Variants in TTLL3 observed in about 807,000 individuals in gnomAD.
TTLL3 encodes tubulin monoglycylase TTLL3.
A neutral mutation model predicts 75.2 loss-of-function variants in TTLL3; 63 were observed. The ratio of observed to expected loss-of-function variants is 0.84; its 90% confidence interval spans 0.68 to 1.03. The LOEUF (loss-of-function observed/expected upper bound fraction) is 1.03, where lower values mean the gene tolerates loss of function less well. TTLL3 is among the 50% of genes least tolerant of loss of function. The pLI is 0.00. For missense variants in TTLL3, 997 were observed against 1,069.9 expected, an observed-to-expected ratio of 0.93 and a Z score of 0.95; for synonymous variants, 393 against 418.5, an observed-to-expected ratio of 0.94 and a Z score of 0.74.
chr3:9,819,498 G>T, intron 7 of TTLL3: 1 of 989,838 alleles, frequency 1.0e-6, no homozygotes. Context: ...CTGCCTGTGA[G>T]GAGTTCAGGT....
At chr3:9,820,078 G>T (rs551391658) in intron 7 of TTLL3, 1 of 994,294 alleles carries the variant, frequency 1.0e-6, no homozygotes, top group African/African-American at 1.7e-5. Context: ...ACAGAAGTTA[G>T]TGTTTCTGTG....
Position 9,820,697 on chromosome 3 carries a change from C to T in TTLL3, c.810C>T (p.Pro270=), listed in dbSNP as rs753309450. ...TGGAGGCCCCGCTGTACCTCACCCC[C>T]GAGGGCTGGTCCCTCTTCCTCCAGC... ...KDLEAPLYLT[P]EGWSLFLQRY... The change falls in exon 8 of 14, where the codon CCC becomes CCT. Residue 270 remains proline (P), a synonymous_variant. Coordinates refer to ENST00000685419, the MANE Select transcript of TTLL3 (RefSeq NM_001387446.1). 1.1e-5 allele frequency: 18 copies of T among 1,614,020 alleles called. No homozygotes were observed. Among genetic ancestry groups the T allele is most frequent in the Middle Eastern group, 1.6e-4 (1 of 6,084 alleles).
intron 2 of TTLL3, among the ~76,000 whole-genome samples, chr3:9,811,570 G>A (rs2079356846): frequency 6.6e-6 from 1 of 152,196 alleles, no homozygotes; most frequent in African/African-American, 2.4e-5. Flanking sequence ...CCTCCTAGCT[G>A]GTCTACCTCC....
chr3:9,809,971 C>T (rs964721293), upstream of TTLL3: 11 of 1,298,926 alleles, frequency 8.5e-6, no homozygotes, highest in Admixed American at 2.5e-4. Context: ...GGCGCGGGAT[C>T]AGGGGCCCTG....
chr3:9,818,989 G>A, intron 7 of TTLL3, 69 bp downstream of exon 7: 1 of 1,600,876 alleles, frequency 6.2e-7, no homozygotes, highest in Non-Finnish European at 8.5e-7. Flanking sequence ...CCACCTATCT[G>A]CCCTTCTACC....
intron 9 of TTLL3, 150 bp from the exon 10 acceptor site, chr3:9,826,847 T>C (rs2081092454): frequency 7.8e-6 from 11 of 1,419,024 alleles, no homozygotes; most frequent in Non-Finnish European, 1.0e-5. Flanking sequence ...AATTCCTGGC[T>C]TTCCCAAAGG....
At chr3:9,818,774 G>T (rs770369110) in intron 6 of TTLL3, 48 bp from the exon 7 acceptor site, 4 of 1,613,398 alleles carry the variant, frequency 2.5e-6, no homozygotes, top group Non-Finnish European at 3.4e-6. Context: ...AACCAGAACA[G>T]GCCTCAAGCC....
intron 5 of TTLL3, among the ~76,000 whole-genome samples, chr3:9,817,231 T>G (rs931502705): frequency 2.0e-5 from 3 of 152,122 alleles, no homozygotes; most frequent in African/African-American, 7.2e-5. Context: ...GAGACCATCC[T>G]GGCTAACACG....
At position 9,834,878 on chromosome 3, in the gene TTLL3, G is replaced by A; in HGVS notation, c.2023G>A (p.Val675Met). The A allele has an allele frequency of 1.2e-6, 2 of 1,614,232 alleles. No individual in the cohort carries two copies. The highest frequency in any genetic ancestry group is 8.5e-7 in the Non-Finnish European group (1 of 1,180,050). ...ISLPPNLDFK[V>M]APSILKPRKA... The stretch of plus-strand genomic sequence containing the variant: ...CCTCCCACCGAACCTTGATTTCAAG[G>A]TGGCACCCAGCATCCTGAAGCCAAG... The change falls in exon 13 of 14, where the codon GTG becomes ATG. Residue 675 changes from valine (V) to methionine (M), a missense_variant. Physicochemically the swap from Val to Met is conservative, Grantham distance 21. Coordinates refer to ENST00000685419, the MANE Select transcript of TTLL3 (RefSeq NM_001387446.1).
intron 11 of TTLL3, among the ~76,000 whole-genome samples, chr3:9,832,635 CCA>C (rs1343789156): frequency 1.3e-5 from 2 of 152,200 alleles, no homozygotes; most frequent in Admixed American, 6.5e-5. Context: ...TTCATTCTCT[CCA>C]CAGACTGTCT....
In TTLL3 at chr3:9,835,267, C is replaced by T. The variant is rs758026370; in HGVS notation, c.2226C>T (p.Pro742=). The T allele has an allele frequency of 1.1e-5, 18 of 1,614,074 alleles. No individual in the cohort carries two copies. In the African/African-American group the frequency reaches 2.3e-4, roughly 20 times the overall value. ...CCTGCCCCATGAAGAGGCTGAGCCC[C>T]CTGAAACCCCTGCCCCTTGTTGGTA... is the stretch of plus-strand genomic sequence containing the variant. ...AEACPMKRLS[P]LKPLPLVGTF... is the part of the protein sequence containing the mutation. The change falls in exon 14 of 14, where the codon CCC becomes CCT. Residue 742 remains proline (P), a synonymous_variant. Transcript: ENST00000685419.
chr3:9,835,850 C>A lies in TTLL3; in HGVS notation c.*361C>A. ...CAGCCCTTCTGCAGAGGGCATGGGTCTATCCCTTCTTCAGCAAGGGGCCAA... is the reference window on the plus strand; with the variant it reads ...CAGCCCTTCTGCAGAGGGCATGGGTATATCCCTTCTTCAGCAAGGGGCCAA... On this transcript the variant is annotated 3_prime_UTR_variant, in exon 14 of 14. Transcript: ENST00000685419. The A allele has an allele frequency of 4.6e-6, 1 of 217,002 alleles. No individual in the cohort carries two copies. Among genetic ancestry groups the A allele is most frequent in the South Asian group, 1.4e-4 (1 of 7,114 alleles). The allele number at this position is 217,002 out of a possible 1,614,324, so 13.4% of individuals were successfully genotyped here. A position where few individuals can be genotyped will look rare whatever the true frequency, so the allele number is the denominator to read the frequency against.
At chr3:9,820,022 G>C in intron 7 of TTLL3, 1 of 988,514 alleles carries the variant, frequency 1.0e-6, no homozygotes, top group Non-Finnish European at 1.2e-6. Context: ...GTCAGTTTCT[G>C]TAATCACTTT....
intron 7 of TTLL3, chr3:9,820,021 T>G (rs2080262788): frequency 1.0e-6 from 1 of 988,526 alleles, no homozygotes; most frequent in Non-Finnish European, 1.2e-6. Context: ...GGTCAGTTTC[T>G]GTAATCACTT....
chr3:9,822,698 G>A (rs1017745120), intron 8 of TTLL3, among the ~76,000 whole-genome samples: 5 of 145,974 alleles, frequency 3.4e-5, no homozygotes, highest in Admixed American at 2.8e-4. Context: ...AAATTTTTGT[G>A]TGATATACAT....
chr3:9,823,817 C>G (rs1484925463), intron 8 of TTLL3, among the ~76,000 whole-genome samples: 1 of 152,210 alleles, frequency 6.6e-6, no homozygotes, highest in East Asian at 1.9e-4. Context: ...CAGGAGGCTC[C>G]CGTCCTATTC....
chr3:9,818,521 A>G, intron 6 of TTLL3: 1 of 473,140 alleles, frequency 2.1e-6, no homozygotes, highest in Non-Finnish European at 3.0e-6. Flanking sequence ...GGCGCCCGCC[A>G]TCACGCCTGG....
At chr3:9,814,561 T>G (rs1288815248) in intron 4 of TTLL3, among the ~76,000 whole-genome samples, 1 of 151,724 alleles carries the variant, frequency 6.6e-6, no homozygotes, top group Non-Finnish European at 1.5e-5. Flanking sequence ...GGCAGGAGAA[T>G]TGCTTGAATC....
At chr3:9,834,031 G>C (rs563452575) in intron 12 of TTLL3, 2 of 204,648 alleles carry the variant, frequency 9.8e-6, no homozygotes, top group Admixed American at 5.5e-5. Context: ...AGAATCGCTT[G>C]AACCCAGGAA....
Sources: allele counts gnomAD v4.1 joint callset (sites outside exome capture counted in the v4.1 genomes callset), GRCh38; gene constraint gnomAD v4.1.1; transcripts MANE v1.5; gene names NCBI Gene and HGNC (gene_info 2026-07-23, HGNC 2026-07-21).